Variants in DYNC2H1 observed in about 807,000 individuals in gnomAD.
DYNC2H1 encodes cytoplasmic dynein 2 heavy chain 1.
Under a neutral mutation model 570.0 loss-of-function variants are expected in DYNC2H1, and 410 were observed. That is an observed-to-expected ratio of 0.72 (90% CI 0.66 to 0.78). The LOEUF is 0.78. DYNC2H1 is among the 30% of genes least tolerant of loss of function. The pLI is 0.00. For missense variants in DYNC2H1, 4,865 were observed against 5,046.4 expected (o/e 0.96, Z 1.09); for synonymous variants, 1,688 against 1,677.6 (o/e 1.01, Z -0.15).
At position 103,188,641 on chromosome 11, in the gene DYNC2H1, T is replaced by G. The variant is rs1862173443; in HGVS notation, c.7285T>G (p.Ser2429Ala). The G allele has an allele frequency of 3.1e-6, 5 of 1,599,702 alleles. No homozygotes were observed. Among genetic ancestry groups the G allele is most frequent in the Non-Finnish European group, 3.4e-6 (4 of 1,172,024 alleles). ...ATTTACTTCCATCGTTCGTCTTTGT[T>G]CTATAGAGTATGTATCTTTGTGTTT... The part of the protein sequence containing the change: ...TRFTSIVRLC[S>A]IDYPEREQLQ... Residue 2429 changes from serine to alanine, a missense_variant, in exon 44 of 89, where the codon TCT becomes GCT. Physicochemically the swap from Ser to Ala is moderately conservative, Grantham distance 99 (BLOSUM62 1). Transcript: ENST00000375735.
At chr11:103,172,517 A>G (rs1231257084) in intron 34 of DYNC2H1, among the ~76,000 whole-genome samples, 3 of 151,946 alleles carry the variant, frequency 2.0e-5, no homozygotes, top group South Asian at 2.1e-4. Context: ...AGATGCTTCT[A>G]CTTACTAATT....
Position 103,115,233 on chromosome 11 carries a change from A to G in DYNC2H1, c.559A>G (p.Asn187Asp). ...TTGGATAGAACAAGCTCACCGTGGA[A>G]ATAAACAGATTAGTAAAGAAAGAGC... ...QFWIEQAHRGNKQISKERANY... is the reference protein window; with the variant it reads ...QFWIEQAHRGDKQISKERANY... The change falls in exon 4 of 89, where the codon AAT (asparagine) becomes GAT (aspartate). Residue 187 changes from asparagine to aspartate, a missense_variant. Transcript: ENST00000375735. 1 of 1,610,518 alleles carries G rather than the reference A, an allele frequency of 6.2e-7. No homozygotes were observed. The highest frequency in any genetic ancestry group is 8.5e-7 in the Non-Finnish European group (1 of 1,178,270).
At chr11:103,171,532 T>C in intron 34 of DYNC2H1, among the ~76,000 whole-genome samples, 1 of 152,144 alleles carries the variant, frequency 6.6e-6, no homozygotes. Flanking sequence ...CTGGGATTAC[T>C]GGTGTGAGCC....
intron 75 of DYNC2H1, among the ~76,000 whole-genome samples, chr11:103,288,893 AAAAG>A (rs1300090297): frequency 4.6e-5 from 7 of 150,540 alleles, no homozygotes; most frequent in African/African-American, 9.8e-5. Context: ...AAAAAAAAAA[AAAAG>A]AAAGAAAATT....
In DYNC2H1 at chr11:103,457,228, G is replaced by A. The variant is rs192205639; in HGVS notation, c.12648+872G>A. On this transcript the variant is annotated intron_variant, in intron 87 of 88. Transcript: ENST00000375735. The stretch of plus-strand genomic sequence containing the variant: ...GTATAGTACATAATACTTGATAACC[G>A]TTCATGCTTTATGTATTTACTATAT... 2.2e-3 allele frequency among the ~76,000 whole-genome samples: 332 copies of A among 152,256 alleles called. 1 individual carries two copies. Among genetic ancestry groups the A allele is most frequent in the African/African-American group, 3.8e-3 (158 of 41,552 alleles).
intron 60 of DYNC2H1, among the ~76,000 whole-genome samples, chr11:103,232,384 T>G (rs1328953494): frequency 6.6e-6 from 1 of 152,000 alleles, no homozygotes. Context: ...GATACTAGAT[T>G]TGTCTAATTC....
At chr11:103,156,849 G>A (rs1167855881) in intron 26 of DYNC2H1, 79 bp downstream of exon 26, 17 of 1,512,046 alleles carry the variant, frequency 1.1e-5, no homozygotes, top group South Asian at 1.3e-5. Flanking sequence ...CTTAATACAG[G>A]CAAATTACTT....
intron 17 of DYNC2H1, among the ~76,000 whole-genome samples, chr11:103,139,229 T>C (rs1405354611): frequency 1.3e-5 from 2 of 152,096 alleles, no homozygotes. Flanking sequence ...TCTGCTCAGA[T>C]TTTAGTTATT....
intron 70 of DYNC2H1, among the ~76,000 whole-genome samples, chr11:103,278,442 T>G (rs1473910249): frequency 6.6e-6 from 1 of 152,206 alleles, no homozygotes; most frequent in Non-Finnish European, 1.5e-5. Flanking sequence ...TGTCCCCTGT[T>G]ACAGAGAAGG....
chr11:103,185,257 A>G lies in DYNC2H1; in HGVS notation c.6633+206A>G. On this transcript the variant is annotated intron_variant, in intron 41 of 88. Coordinates refer to ENST00000375735, the MANE Select transcript of DYNC2H1 (RefSeq NM_001377.3). The surrounding 1 kb of genome is among the most constrained non-coding windows in gnomAD (Gnocchi z 4.5). ...TATGATGTTTGATAATATTATTAAC[A>G]TTTTATAAAATAATGTTTTATAAGT... Among the ~76,000 whole-genome samples, 1 of 151,954 alleles carries G rather than the reference A, an allele frequency of 6.6e-6. No homozygotes were observed.
chr11:103,286,912 C>T (rs17100297), intron 74 of DYNC2H1, among the ~76,000 whole-genome samples: 20,000 of 152,090 alleles, frequency 0.13, 1,566 homozygotes, highest in Admixed American at 0.24. Context: ...TCTCCATATA[C>T]AGTGAATTCT....
rs1463801364 is a variant in DYNC2H1 at position 103,181,848 on chromosome 11, G to C, written c.6439G>C (p.Asp2147His). The change falls in exon 40 of 89, where the codon GAT becomes CAT. Residue 2147 changes from aspartate to histidine, a missense_variant. Asp to His is a moderately conservative substitution (Grantham distance 81, BLOSUM62 -1). Transcript: ENST00000375735. This position sits in a 1 kb window ranked among gnomAD's most constrained non-coding sequence, Gnocchi z 5.0. Reference sequence around the variant, plus strand: ...AAATAATCTTGAAAATTGGATTGGAGATTATTTTGAAAAGGCTTTACAATG... The same window carrying C: ...AAATAATCTTGAAAATTGGATTGGACATTATTTTGAAAAGGCTTTACAATG... The part of the protein sequence containing the change: ...YRNNLENWIG[D>H]YFEKALQWVL... 1 of 1,603,432 alleles carries C rather than the reference G, an allele frequency of 6.2e-7. No homozygotes were observed. Among genetic ancestry groups the C allele is most frequent in the African/African-American group, 1.3e-5 (1 of 74,564 alleles).
intron 1 of DYNC2H1, among the ~76,000 whole-genome samples, chr11:103,112,283 A>G (rs962231068): frequency 6.6e-6 from 1 of 152,238 alleles, no homozygotes; most frequent in African/African-American, 2.4e-5. Context: ...ATTGTGGTAG[A>G]TGAGAAAGGA....
At chr11:103,314,915 G>A (rs571191986) in intron 79 of DYNC2H1, among the ~76,000 whole-genome samples, 123 of 151,828 alleles carry the variant, frequency 8.1e-4, no homozygotes, top group African/African-American at 2.8e-3. Context: ...TTTCACATAC[G>A]GTCTAACAGA....
chr11:103,478,228 T>C (rs988902171), intron 88 of DYNC2H1, among the ~76,000 whole-genome samples: 3 of 152,194 alleles, frequency 2.0e-5, no homozygotes, highest in Non-Finnish European at 4.4e-5. Flanking sequence ...TTCACTGTTT[T>C]GAAAACACAT....
rs1161888367 is a variant in DYNC2H1 at position 103,228,680 on chromosome 11, G to A, written c.9354-2580G>A. On this transcript the variant is annotated intron_variant, in intron 59 of 88. Transcript: ENST00000375735. This position sits in a 1 kb window ranked among gnomAD's most constrained non-coding sequence, Gnocchi z 6.1. ...GTGTTGGTTGGCCTCCAGCCAGGAG[G>A]TGGCCCTTTCAAGAGTGCATCAGCT... 6.6e-6 allele frequency among the ~76,000 whole-genome samples: 1 copy of A among 152,178 alleles called. No homozygotes were observed. Among genetic ancestry groups the A allele is most frequent in the Non-Finnish European group, 1.5e-5 (1 of 68,030 alleles).
rs537897098 is a variant in DYNC2H1 at position 103,259,964 on chromosome 11, G to C, written c.10682G>C (p.Arg3561Pro). 12 of 1,495,754 alleles carry C rather than the reference G, an allele frequency of 8.0e-6. No individual in the cohort carries two copies. The highest frequency in any genetic ancestry group is 6.3e-6 in the Non-Finnish European group (7 of 1,116,894). The allele number at this position is 1,495,754 out of a possible 1,614,324, so 92.7% of individuals were successfully genotyped here. A position where few individuals can be genotyped will look rare whatever the true frequency, so the allele number is the denominator to read the frequency against. The change falls in exon 70 of 89, where the codon CGT becomes CCT. Residue 3561 changes from arginine (R) to proline (P), a missense_variant. Physicochemically the swap from Arg to Pro is moderately radical, Grantham distance 103 (BLOSUM62 -2). Around this residue, in one of 5 missense-constraint regions of DYNC2H1, gnomAD observed 2,401 missense variants for 2,454.6 expected, o/e 0.98. Transcript: ENST00000375735. ...LQHMVYEYIC[R>P]CLFKADQLMF... Reference sequence around the variant, plus strand: ...CATATGGTATATGAATATATATGTCGTTGTCTATTTAAGGTAAGAAGCATC... The same window carrying C: ...CATATGGTATATGAATATATATGTCCTTGTCTATTTAAGGTAAGAAGCATC...
At position 103,244,683 on chromosome 11, in the gene DYNC2H1, G is replaced by A. The variant is rs1864540835; in HGVS notation, c.9919-568G>A. 6.8e-6 allele frequency among the ~76,000 whole-genome samples: 1 copy of A among 147,106 alleles called. No individual in the cohort carries two copies. The highest frequency in any genetic ancestry group is 1.5e-5 in the Non-Finnish European group (1 of 66,952). ...ACATTATAAGTACTATATATCTATG[G>A]TTATAGTTATATACATATATCACTA... On this transcript the variant is annotated intron_variant, in intron 64 of 88. Coordinates refer to ENST00000375735, the MANE Select transcript of DYNC2H1 (RefSeq NM_001377.3). The surrounding 1 kb of genome is among the most constrained non-coding windows in gnomAD (Gnocchi z 4.3).
chr11:103,417,616 C>T (rs761179062), intron 84 of DYNC2H1, among the ~76,000 whole-genome samples: 23 of 150,790 alleles, frequency 1.5e-4, no homozygotes, highest in Middle Eastern at 3.2e-3. Context: ...TGGTGGTTCA[C>T]GCCTGTAATC....
Sources: gnomAD v4.1 joint callset for allele counts (sites outside exome capture counted in the v4.1 genomes callset) on GRCh38, gnomAD v4.1.1 for gene constraint, gnomAD v4.1.1 regional missense constraint, Gnocchi (gnomAD v3.1) non-coding constraint, MANE v1.5 for transcripts, NCBI Gene and HGNC (gene_info 2026-07-23, HGNC 2026-07-21) for gene names.